The following ZNF483 variants were observed in gnomAD, a reference collection of about 807,000 sequenced individuals.
ZNF483 encodes zinc finger protein 483.
Under a neutral mutation model 28.6 loss-of-function variants are expected in ZNF483, and 9 were observed. The observed-to-expected ratio is 0.32, with a 90% CI of 0.19 to 0.55. The LOEUF (loss-of-function observed/expected upper bound fraction) is 0.55. ZNF483 is among the 20% of genes least tolerant of loss of function. ZNF483 has a pLI of 0.93. For missense variants in ZNF483, 675 were observed against 871.7 expected, an observed-to-expected ratio of 0.77 and a Z score of 2.84; for synonymous variants, 322 against 306.2, an observed-to-expected ratio of 1.05 and a Z score of -0.54.
In ZNF483 at chr9:111,552,964, A is replaced by G. The variant is rs1828013940; in HGVS notation, c.*9794A>G. ...GATAATTTCTTCATCTCTCCATCTA[A>G]GGTTCTTTGTAGATGCATGTGTAAG... is the stretch of plus-strand genomic sequence containing the variant. On this transcript the variant is annotated 3_prime_UTR_variant, in exon 6 of 6. Coordinates refer to ENST00000309235, the MANE Select transcript of ZNF483 (RefSeq NM_133464.5). Among the ~76,000 whole-genome samples, 1 of 152,160 alleles carries G rather than the reference A, an allele frequency of 6.6e-6. No homozygotes were observed. The highest frequency in any genetic ancestry group is 1.5e-5 in the Non-Finnish European group (1 of 68,016).
At position 111,542,504 on chromosome 9, in the gene ZNF483, T is replaced by C. The variant is rs1827698487; in HGVS notation, c.1569T>C (p.Tyr523=). The C allele has an allele frequency of 6.2e-7, 1 of 1,614,116 alleles. No individual in the cohort carries two copies. Among genetic ancestry groups the C allele is most frequent in the Non-Finnish European group, 8.5e-7 (1 of 1,180,026 alleles). Residue 523 remains tyrosine (Y), a synonymous_variant, in exon 6 of 6, where the codon TAT becomes TAC. Transcript: ENST00000309235. The surrounding 1 kb of genome is among the most constrained non-coding windows in gnomAD (Gnocchi z 6.2). The stretch of plus-strand genomic sequence containing the variant: ...GAATTCATACTGGAGAAAAACCTTA[T>C]AAATGTAAAGACTGTGGGAGACCCT... ...HQRIHTGEKP[Y]KCKDCGRPFS... is the part of the protein sequence containing the mutation.
Position 111,549,115 on chromosome 9 carries a change from T to A in ZNF483, c.*5945T>A, listed in dbSNP as rs1479580583. Reference sequence around the variant, plus strand: ...TGTAGAGTGGTTTATTGCTTTATTATCAGTGCAATAGAGAGTCACTGAGTC... The same window carrying A: ...TGTAGAGTGGTTTATTGCTTTATTAACAGTGCAATAGAGAGTCACTGAGTC... On this transcript the variant is annotated 3_prime_UTR_variant, in exon 6 of 6. Transcript: ENST00000309235. Among the ~76,000 whole-genome samples the A allele has an allele frequency of 1.3e-5, 2 of 152,218 alleles. No homozygotes were observed. The highest frequency in any genetic ancestry group is 1.3e-4 in the Admixed American group (2 of 15,280).
At chr9:111,531,922 A>C (rs1196990464) in intron 3 of ZNF483, among the ~76,000 whole-genome samples, 1 of 152,202 alleles carries the variant, frequency 6.6e-6, no homozygotes, top group African/African-American at 2.4e-5. Context: ...GACCTCAAGC[A>C]GTCCTCTCCC....
rs1389838315 is a variant in ZNF483, at chr9:111,561,175, GAGAA to G, written c.722-15186_722-15183del. On this transcript the variant is annotated intron_variant, in intron 5 of 5. Coordinates refer to the ZNF483 transcript ENST00000358151. ...AGAGAGAGAGAGAGAGAGAGAGAGA[GAGAA>G]AGAGAGAGAGATTCTTCCTGTCCAA... is the stretch of plus-strand genomic sequence containing the variant. 1.7e-3 allele frequency among the ~76,000 whole-genome samples: 219 copies of G among 126,860 alleles called. 4 individuals are homozygous for G. The highest frequency in any genetic ancestry group is 4.8e-3 in the African/African-American group (161 of 33,262). The allele number at this position is 126,860 out of a possible 152,430, so 83.2% of individuals were successfully genotyped here. A position where few individuals can be genotyped will look rare whatever the true frequency, so the allele number is the denominator to read the frequency against.
chr9:111,550,862 T>TCA lies in ZNF483; in HGVS notation c.*7693_*7694insAC, dbSNP rs1318515573. On this transcript the variant is annotated 3_prime_UTR_variant, in exon 6 of 6. Transcript: ENST00000309235. Reference sequence around the variant, plus strand: ...TTCTCTGAGCATGTTAATTATAGTGTCTTTCTGTGTTATTCTGCTCCCTGC... The same window carrying TCA: ...TTCTCTGAGCATGTTAATTATAGTGTCACTTTCTGTGTTATTCTGCTCCCTGC... 6.6e-6 allele frequency among the ~76,000 whole-genome samples: 1 copy of TCA among 152,214 alleles called. No individual in the cohort carries two copies. The highest frequency in any genetic ancestry group is 1.5e-5 in the Non-Finnish European group (1 of 68,038).
downstream of ZNF483, among the ~76,000 whole-genome samples, chr9:111,557,709 T>G (rs575333740): frequency 2.0e-4 from 30 of 152,202 alleles, 1 homozygote; most frequent in South Asian, 5.8e-3. Flanking sequence ...GAAATACAGG[T>G]GTGAGACATT....
intron 5 of ZNF483, chr9:111,563,295 A>C: frequency 1.3e-5 from 19 of 1,441,860 alleles, no homozygotes; most frequent in East Asian, 2.4e-5. Flanking sequence ...TACTGTTCTC[A>C]TCCTAGCAAC....
chr9:111,576,007 A>C (rs902001519), intron 5 of ZNF483, among the ~76,000 whole-genome samples: 2 of 152,102 alleles, frequency 1.3e-5, no homozygotes, highest in Non-Finnish European at 2.9e-5. Flanking sequence ...AAAATACATA[A>C]AAATTAGCTG....
chr9:111,544,372 G>C lies in ZNF483; in HGVS notation c.*1202G>C. On this transcript the variant is annotated 3_prime_UTR_variant, in exon 6 of 6. Transcript: ENST00000309235. Reference sequence around the variant, plus strand: ...CATGTGTGTGTGTGTGTGTGTGTGTGTATACATTGTTGCCACTATCTAAAA... The same window carrying C: ...CATGTGTGTGTGTGTGTGTGTGTGTCTATACATTGTTGCCACTATCTAAAA... The C allele has an allele frequency of 3.2e-6, 3 of 944,084 alleles. No homozygotes were observed. The highest frequency in any genetic ancestry group is 3.8e-6 in the Non-Finnish European group (3 of 795,948). The allele number at this position is 944,084 out of a possible 1,614,324, so 58.5% of individuals were successfully genotyped here.
At chr9:111,536,751 C>T (rs753274412) in intron 5 of ZNF483, among the ~76,000 whole-genome samples, 3 of 150,446 alleles carry the variant, frequency 2.0e-5, no homozygotes, top group Non-Finnish European at 4.4e-5. Context: ...TAACCGTTAA[C>T]TCTCCAAAAA....
chr9:111,555,429 G>T (rs1451534739), downstream of ZNF483, among the ~76,000 whole-genome samples: 1 of 152,082 alleles, frequency 6.6e-6, no homozygotes, highest in African/African-American at 2.4e-5. Context: ...GAAGGCCGTT[G>T]TGCTATTTTC....
At chr9:111,573,341 A>T (rs951465211) in intron 5 of ZNF483, among the ~76,000 whole-genome samples, 14 of 152,156 alleles carry the variant, frequency 9.2e-5, no homozygotes, top group African/African-American at 3.4e-4. Context: ...CTTCTTGGTA[A>T]TGATTTTGAT....
intron 5 of ZNF483, chr9:111,569,875 G>A: frequency 1.5e-6 from 1 of 666,674 alleles, no homozygotes; most frequent in Non-Finnish European, 2.4e-6. Flanking sequence ...AAATGGACCT[G>A]CATTTGCAGT....
chr9:111,530,940 G>C lies in ZNF483; in HGVS notation c.478G>C (p.Val160Leu). 1.3e-6 allele frequency: 2 copies of C among 1,554,936 alleles called. No individual in the cohort carries two copies. Among genetic ancestry groups the C allele is most frequent in the Non-Finnish European group, 8.8e-7 (1 of 1,140,778 alleles). ...CTCAAAAGAGGATAAAATGGTCACT[G>C]TTTGTCCCAATACTGAGTCCTGTGT... ...ENSKEDKMVTVCPNTESCESI... is the reference protein window; with the variant it reads ...ENSKEDKMVTLCPNTESCESI... Residue 160 changes from valine to leucine, a missense_variant, in exon 3 of 6, where the codon GTT becomes CTT. Val to Leu is a conservative substitution (Grantham distance 32, BLOSUM62 1). This residue lies in a region of ZNF483 where 525 missense variants were observed against 581.8 expected (regional missense o/e 0.90). Coordinates refer to ENST00000309235, the MANE Select transcript of ZNF483 (RefSeq NM_133464.5).
At position 111,541,676 on chromosome 9, in the gene ZNF483, A is replaced by T. The variant is rs767693593; in HGVS notation, c.741A>T (p.Lys247Asn). Residue 247 changes from lysine (K) to asparagine (N), a missense_variant, in exon 6 of 6, where the codon AAA (lysine) becomes AAT (asparagine). Lys to Asn is a moderately conservative substitution (Grantham distance 94). This residue lies in a region of ZNF483 where 525 missense variants were observed against 581.8 expected (regional missense o/e 0.90). Transcript: ENST00000309235. Reference protein sequence around the residue: ...SSRLDESALDKIIERCLRDDD... With the variant: ...SSRLDESALDNIIERCLRDDD... ...TTTTAGATGAATCAGCTTTAGATAAAATAATAGAAAGGTGCCTCAGGGATG... is the reference window on the plus strand; with the variant it reads ...TTTTAGATGAATCAGCTTTAGATAATATAATAGAAAGGTGCCTCAGGGATG... The T allele has an allele frequency of 3.8e-5, 61 of 1,602,244 alleles. No homozygotes were observed. Among genetic ancestry groups the T allele is most frequent in the Non-Finnish European group, 4.9e-5 (58 of 1,176,944 alleles).
chr9:111,561,106 T>TAGAGAG lies in ZNF483; in HGVS notation c.722-15258_722-15257insGAGAGA, dbSNP rs1240649497. Among the ~76,000 whole-genome samples the TAGAGAG allele has an allele frequency of 2.1e-3, 48 of 23,156 alleles. 3 individuals carry two copies. Among genetic ancestry groups the TAGAGAG allele is most frequent in the Non-Finnish European group, 3.0e-3 (39 of 12,970 alleles). The allele number at this position is 23,156 out of a possible 152,430, so 15.2% of individuals were successfully genotyped here. A position where few individuals can be genotyped will look rare whatever the true frequency, so the allele number is the denominator to read the frequency against. On this transcript the variant is annotated intron_variant, in intron 5 of 5. Transcript: ENST00000358151. ...TAAAATATATATATATATATATATA[T>TAGAGAG]ATATAGAGAGAGAGAGAGAGAGAGA...
chr9:111,550,188 C>T lies in ZNF483; in HGVS notation c.*7018C>T, dbSNP rs553081181. 4.6e-5 allele frequency among the ~76,000 whole-genome samples: 7 copies of T among 152,182 alleles called. No homozygotes were observed. Among genetic ancestry groups the T allele is most frequent in the East Asian group, 1.9e-4 (1 of 5,188 alleles). On this transcript the variant is annotated 3_prime_UTR_variant, in exon 6 of 6. Transcript: ENST00000309235. Reference sequence around the variant, plus strand: ...TACAGAGCCTGCGTTTTTCCCTGGGCGGGAGCAATGGCTTTCTGAATTCAC... The same window carrying T: ...TACAGAGCCTGCGTTTTTCCCTGGGTGGGAGCAATGGCTTTCTGAATTCAC...
chr9:111,561,968 G>A (rs926720150), intron 5 of ZNF483, among the ~76,000 whole-genome samples: 7 of 149,074 alleles, frequency 4.7e-5, no homozygotes, highest in South Asian at 2.1e-4. Context: ...TCACTGCAAC[G>A]TCTGCCTCCT....
chr9:111,544,026 A>C lies in ZNF483; in HGVS notation c.*856A>C, dbSNP rs2132262300. 2 of 985,408 alleles carry C rather than the reference A, an allele frequency of 2.0e-6. No individual in the cohort carries two copies. Among genetic ancestry groups the C allele is most frequent in the Middle Eastern group, 5.2e-4 (1 of 1,914 alleles). The allele number at this position is 985,408 out of a possible 1,614,324, so 61.0% of individuals were successfully genotyped here. A position where few individuals can be genotyped will look rare whatever the true frequency, so the allele number is the denominator to read the frequency against. ...ACTAGGAATGGGTCAGTGAAGTTCA[A>C]ACGACTTTTCCTTGAGGGAGTATTT... is the stretch of plus-strand genomic sequence containing the variant. On this transcript the variant is annotated 3_prime_UTR_variant, in exon 6 of 6. Transcript: ENST00000309235.
Sources: allele counts gnomAD v4.1 joint callset (sites outside exome capture counted in the v4.1 genomes callset), GRCh38; gene constraint gnomAD v4.1.1; regional missense constraint gnomAD v4.1.1; non-coding constraint Gnocchi (gnomAD v3.1); transcripts MANE v1.5; gene names NCBI Gene and HGNC (gene_info 2026-07-23, HGNC 2026-07-21).